The following STK32A variants were observed in gnomAD, a reference collection of about 807,000 sequenced individuals.
STK32A encodes serine/threonine kinase 32A, also known as serine/threonine-protein kinase 32A.
STK32A carries 41 observed loss-of-function variants against 53.2 expected under a neutral mutation model. The observed-to-expected ratio is 0.77, with a 90% CI of 0.60 to 1.00. The LOEUF (loss-of-function observed/expected upper bound fraction) is 1.00, where lower values mean the gene tolerates loss of function less well. Among genes scored for constraint, STK32A ranks in the 50% least tolerant of loss-of-function variants. The pLI, the probability that STK32A is intolerant of heterozygous loss-of-function variation, is 0.00. For synonymous variants in STK32A, 166 were observed against 162.8 expected (o/e 1.02, Z -0.15); for missense variants, 458 against 485.8 (o/e 0.94, Z 0.54).
intron 2 of STK32A, among the ~76,000 whole-genome samples, chr5:147,241,867 C>A (rs961885473): frequency 6.6e-6 from 1 of 152,134 alleles, no homozygotes. Flanking sequence ...GAGAGGCCAG[C>A]TGCATACTTT....
chr5:147,265,146 A>G (rs1324399334), intron 2 of STK32A, among the ~76,000 whole-genome samples: 1 of 148,342 alleles, frequency 6.7e-6, no homozygotes, highest in Non-Finnish European at 1.5e-5. Context: ...ATATTTTTAT[A>G]TATATTTATA....
At chr5:147,251,017 C>T (rs7701791) in intron 2 of STK32A, among the ~76,000 whole-genome samples, 34,944 of 150,288 alleles carry the variant, frequency 0.23, 4,552 homozygotes, top group Admixed American at 0.32. Flanking sequence ...TAAAAGGAAG[C>T]GGAGAAATAA....
At chr5:147,270,673 T>C (rs1754989397) in intron 2 of STK32A, among the ~76,000 whole-genome samples, 1 of 152,220 alleles carries the variant, frequency 6.6e-6, no homozygotes, top group South Asian at 2.1e-4. Flanking sequence ...AAAAGCAGTT[T>C]GCTGAAAAAA....
intron 8 of STK32A, among the ~76,000 whole-genome samples, chr5:147,363,395 A>G (rs1756602702): frequency 6.6e-6 from 1 of 152,130 alleles, no homozygotes; most frequent in Admixed American, 6.6e-5. Context: ...GGCTCTCTAC[A>G]AAGGCACTAC....
At chr5:147,248,807 A>G (rs1393664824) in intron 2 of STK32A, among the ~76,000 whole-genome samples, 1 of 152,206 alleles carries the variant, frequency 6.6e-6, no homozygotes, top group Non-Finnish European at 1.5e-5. Context: ...GCTGCCATCA[A>G]TTGGCCTTGG....
At chr5:147,314,498 CAAAAAAA>C (rs1171767950) in intron 4 of STK32A, among the ~76,000 whole-genome samples, 1 of 10,628 alleles carries the variant, frequency 9.4e-5, no homozygotes, top group Non-Finnish European at 1.7e-4. Flanking sequence ...AACTCCATAT[CAAAAAAA>C]ACAAAAAAAA....
chr5:147,271,030 C>G (rs192522369), intron 2 of STK32A, among the ~76,000 whole-genome samples: 8 of 150,704 alleles, frequency 5.3e-5, no homozygotes, highest in Admixed American at 1.3e-4. Flanking sequence ...GTGTCTTGCT[C>G]TGTCACCCAG....
chr5:147,375,301 A>G, intron 11 of STK32A, 83 bp downstream of exon 11: 1 of 1,503,842 alleles, frequency 6.6e-7, no homozygotes, highest in Non-Finnish European at 8.9e-7. Flanking sequence ...CTGGGAGGTC[A>G]TTTCAGCTTC....
the STK32A span, chr5:147,397,843 C>G: frequency 6.3e-7 from 1 of 1,599,726 alleles, no homozygotes. Context: ...TGTACTCTGC[C>G]GCCTAGAGGC....
At chr5:147,277,439 G>A (rs1009952390) in intron 2 of STK32A, among the ~76,000 whole-genome samples, 8 of 152,104 alleles carry the variant, frequency 5.3e-5, no homozygotes, top group African/African-American at 1.4e-4. Flanking sequence ...TTTCAGACGT[G>A]GAGGATCGAC....
intron 5 of STK32A, among the ~76,000 whole-genome samples, chr5:147,325,590 T>A (rs1356852731): frequency 1.3e-5 from 2 of 152,230 alleles, no homozygotes; most frequent in East Asian, 3.9e-4. Flanking sequence ...ACATTTAGTT[T>A]TTATTTAATG....
At chr5:147,288,610 G>C (rs1752452889) in intron 4 of STK32A, among the ~76,000 whole-genome samples, 1 of 152,140 alleles carries the variant, frequency 6.6e-6, no homozygotes. Flanking sequence ...ATCTCACATG[G>C]TGGGAGCAGG....
intron 4 of STK32A, among the ~76,000 whole-genome samples, chr5:147,301,042 T>C (rs1753106632): frequency 6.6e-6 from 1 of 152,176 alleles, no homozygotes; most frequent in Non-Finnish European, 1.5e-5. Context: ...CAAAATTTGT[T>C]TGCAATATGG....
chr5:147,247,186 G>C (rs1753798285), intron 2 of STK32A, among the ~76,000 whole-genome samples: 1 of 152,202 alleles, frequency 6.6e-6, no homozygotes, highest in Non-Finnish European at 1.5e-5. Context: ...CTTCATGGGA[G>C]CTGACTTCTG....
chr5:147,302,221 T>C (rs970371158), intron 4 of STK32A, among the ~76,000 whole-genome samples: 1 of 152,222 alleles, frequency 6.6e-6, no homozygotes, highest in Non-Finnish European at 1.5e-5. Flanking sequence ...TTTTACTATC[T>C]ATGCCATTCA....
chr5:147,239,610 G>A lies in STK32A; in HGVS notation c.-25G>A. The A allele has an allele frequency of 6.3e-7, 1 of 1,587,496 alleles. No individual in the cohort carries two copies. Among genetic ancestry groups the A allele is most frequent in the East Asian group, 2.2e-5 (1 of 44,588 alleles). On this transcript the variant is annotated 5_prime_UTR_variant, in exon 2 of 13. Transcript: ENST00000397936. ...TTCTGCCCGGATAGTATAAATCGAGGATCCAGGTCTGGGCAGATTCAACCA... is the reference window on the plus strand; with the variant it reads ...TTCTGCCCGGATAGTATAAATCGAGAATCCAGGTCTGGGCAGATTCAACCA...
chr5:147,362,922 A>AC (rs1345968903), intron 8 of STK32A, among the ~76,000 whole-genome samples: 1 of 148,152 alleles, frequency 6.7e-6, no homozygotes, highest in East Asian at 2.1e-4. Context: ...TGTCTACAAC[A>AC]CCTTTTTTTT....
intron 7 of STK32A, among the ~76,000 whole-genome samples, chr5:147,352,131 G>A (rs531122774): frequency 2.6e-5 from 4 of 152,292 alleles, no homozygotes; most frequent in South Asian, 4.1e-4. Flanking sequence ...AGCATTGCTC[G>A]AGTCCAGGAG....
At chr5:147,370,623 A>T in intron 8 of STK32A, 31 bp from the exon 9 acceptor site, 19 of 1,466,910 alleles carry the variant, frequency 1.3e-5, no homozygotes, top group Non-Finnish European at 1.6e-5. Context: ...TCCTATACAA[A>T]TGAAGACTTT....
Sources: allele counts gnomAD v4.1 joint callset (sites outside exome capture counted in the v4.1 genomes callset), GRCh38; gene constraint gnomAD v4.1.1; transcripts MANE v1.5; gene names NCBI Gene and HGNC (gene_info 2026-07-23, HGNC 2026-07-21).